GALNT18: variants seen among roughly 807,000 people sequenced by gnomAD.
GALNT18 encodes GalNAc-transferase 18.
GALNT18 carries 44 observed loss-of-function variants against 69.5 expected under a neutral mutation model. That is an observed-to-expected ratio of 0.63 (90% CI 0.50 to 0.81). The LOEUF is 0.81. Ranked by LOEUF, GALNT18 falls within the 40% of genes least tolerant of loss-of-function variation. The pLI is 0.00. For synonymous variants in GALNT18, 364 were observed against 318.2 expected (o/e 1.14, Z -1.53); for missense variants, 715 against 810.0 (o/e 0.88, Z 1.42).
At position 11,618,794 on chromosome 11, in the gene GALNT18, G is replaced by A. The variant is rs1860119571; in HGVS notation, c.235+2565C>T. ...ATATATGTAAAGTGTTTAGAATAGG[G>A]CCTGACATATCCTAGGTGCTATGTT... On this transcript the variant is annotated intron_variant, in intron 1 of 10. Coordinates refer to ENST00000227756, the MANE Select transcript of GALNT18 (RefSeq NM_198516.3). This position sits in a 1 kb window ranked among gnomAD's most constrained non-coding sequence, Gnocchi z 6.1. 6.6e-6 allele frequency among the ~76,000 whole-genome samples: 1 copy of A among 152,130 alleles called. No homozygotes were observed. The highest frequency in any genetic ancestry group is 1.5e-5 in the Non-Finnish European group (1 of 68,022).
rs1210121017 is a variant in GALNT18, at chr11:11,496,187, C to A, written c.236-47251G>T. ...AGCGTCTCTTGCAAACACTTCTCCA[C>A]TAACTTAAAGGGCTGGTTTAGAATA... On this transcript the variant is annotated intron_variant, in intron 1 of 10. Transcript: ENST00000227756. This position sits in a 1 kb window ranked among gnomAD's most constrained non-coding sequence, Gnocchi z 4.0. 2.0e-5 allele frequency among the ~76,000 whole-genome samples: 3 copies of A among 152,218 alleles called. No homozygotes were observed. Among genetic ancestry groups the A allele is most frequent in the African/African-American group, 4.8e-5 (2 of 41,466 alleles).
rs994235304 is a variant in GALNT18, at chr11:11,619,397, T to C, written c.235+1962A>G. ...AAGTTTCCGGGGAGAAAAATCACAA[T>C]GCTTCCTTTCAACTTCAACATCATG... On this transcript the variant is annotated intron_variant, in intron 1 of 10. Coordinates refer to ENST00000227756, the MANE Select transcript of GALNT18 (RefSeq NM_198516.3). This position sits in a 1 kb window ranked among gnomAD's most constrained non-coding sequence, Gnocchi z 4.9. Among the ~76,000 whole-genome samples, 3 of 152,178 alleles carry C rather than the reference T, an allele frequency of 2.0e-5. No homozygotes were observed. The highest frequency in any genetic ancestry group is 2.0e-4 in the Admixed American group (3 of 15,286).
At chr11:11,290,980 G>A (rs570255047) in intron 10 of GALNT18, among the ~76,000 whole-genome samples, 50 of 152,256 alleles carry the variant, frequency 3.3e-4, no homozygotes, top group Non-Finnish European at 4.0e-4. Context: ...CACCCAGCTC[G>A]ACTTGAGAAA....
At position 11,415,841 on chromosome 11, in the gene GALNT18, C is replaced by G. The variant is rs943134523; in HGVS notation, c.595+16780G>C. ...CAGGAATTCAGCAAGCAGCAACGCT[C>G]TCCACTGTTGGACTCACATGTCATA... On this transcript the variant is annotated intron_variant, in intron 3 of 10. Coordinates refer to ENST00000227756, the MANE Select transcript of GALNT18 (RefSeq NM_198516.3). This position sits in a 1 kb window ranked among gnomAD's most constrained non-coding sequence, Gnocchi z 4.1. Among the ~76,000 whole-genome samples the G allele has an allele frequency of 6.6e-6, 1 of 152,202 alleles. No individual in the cohort carries two copies. Among genetic ancestry groups the G allele is most frequent in the Non-Finnish European group, 1.5e-5 (1 of 68,044 alleles).
chr11:11,431,944 G>C (rs889138061), intron 3 of GALNT18, among the ~76,000 whole-genome samples: 5 of 152,188 alleles, frequency 3.3e-5, no homozygotes, highest in African/African-American at 7.2e-5. Flanking sequence ...GGCATATGGG[G>C]GGGCAAAGAA....
In GALNT18 at chr11:11,543,356, ACC is replaced by A. The variant is rs1857969211; in HGVS notation, c.235+78001_235+78002del. 6.6e-6 allele frequency among the ~76,000 whole-genome samples: 1 copy of A among 152,162 alleles called. No individual in the cohort carries two copies. Among genetic ancestry groups the A allele is most frequent in the Non-Finnish European group, 1.5e-5 (1 of 68,030 alleles). On this transcript the variant is annotated intron_variant, in intron 1 of 10. Coordinates refer to ENST00000227756, the MANE Select transcript of GALNT18 (RefSeq NM_198516.3). The surrounding 1 kb of genome is among the most constrained non-coding windows in gnomAD (Gnocchi z 5.1). Reference sequence around the variant, plus strand: ...TCATGGCAGGAATCCTTAGTAGGCCACCTCAGCTGGAGTGACAGGGACGTGGT... The same window carrying A: ...TCATGGCAGGAATCCTTAGTAGGCCATCAGCTGGAGTGACAGGGACGTGGT...
chr11:11,585,582 C>G (rs907348662), intron 1 of GALNT18, among the ~76,000 whole-genome samples: 3 of 152,038 alleles, frequency 2.0e-5, no homozygotes, highest in East Asian at 3.9e-4. Flanking sequence ...TCTCGAACTC[C>G]CGACCTCAGG....
intron 9 of GALNT18, among the ~76,000 whole-genome samples, chr11:11,322,812 T>C (rs975440954): frequency 7.2e-5 from 11 of 152,196 alleles, no homozygotes; most frequent in African/African-American, 2.7e-4. Context: ...TTTCTCACAG[T>C]TCTGGAGGCT....
intron 9 of GALNT18, among the ~76,000 whole-genome samples, chr11:11,308,017 C>T (rs1435665893): frequency 6.6e-6 from 1 of 152,198 alleles, no homozygotes; most frequent in African/African-American, 2.4e-5. Flanking sequence ...TTCTCTCAGT[C>T]TGATTCTGAT....
intron 1 of GALNT18, among the ~76,000 whole-genome samples, chr11:11,577,987 C>G (rs1858968121): frequency 7.9e-6 from 1 of 126,564 alleles, no homozygotes; most frequent in African/African-American, 2.7e-5. Context: ...CAAAATGTGA[C>G]TGTCCCCAGG....
chr11:11,272,884 C>G (rs1848855975), intron 10 of GALNT18, among the ~76,000 whole-genome samples: 2 of 152,204 alleles, frequency 1.3e-5, no homozygotes, highest in South Asian at 4.1e-4. Flanking sequence ...CTGCCATGAC[C>G]ATTCCCATAG....
At chr11:11,293,497 T>A (rs1590016014) in intron 9 of GALNT18, among the ~76,000 whole-genome samples, 1 of 152,048 alleles carries the variant, frequency 6.6e-6, no homozygotes, top group East Asian at 1.9e-4. Context: ...GTCATAACCT[T>A]TTAAATTTAT....
At chr11:11,510,073 C>T (rs2133911899) in intron 1 of GALNT18, among the ~76,000 whole-genome samples, 1 of 152,220 alleles carries the variant, frequency 6.6e-6, no homozygotes, top group East Asian at 1.9e-4. Context: ...CAACTACATG[C>T]AGATGCTGGC....
At chr11:11,399,684 A>G (rs978592396) in intron 3 of GALNT18, among the ~76,000 whole-genome samples, 2 of 152,182 alleles carry the variant, frequency 1.3e-5, no homozygotes, top group Admixed American at 6.5e-5. Context: ...CAACATATGC[A>G]CTTGGGCAAT....
chr11:11,499,111 C>T (rs1388658647), intron 1 of GALNT18, among the ~76,000 whole-genome samples: 1 of 152,230 alleles, frequency 6.6e-6, no homozygotes, highest in Non-Finnish European at 1.5e-5. Context: ...CTCGTGGTCA[C>T]TCAGCAAACT....
intron 1 of GALNT18, among the ~76,000 whole-genome samples, chr11:11,570,537 G>A (rs1858767516): frequency 6.6e-6 from 1 of 152,184 alleles, no homozygotes; most frequent in African/African-American, 2.4e-5. Context: ...CCTGCCCTCT[G>A]CCTAGAAAGC....
intron 1 of GALNT18, among the ~76,000 whole-genome samples, chr11:11,532,414 C>A (rs146031645): frequency 5.4e-4 from 83 of 152,328 alleles, no homozygotes; most frequent in African/African-American, 1.7e-3. Flanking sequence ...CAGTGAGAGG[C>A]GTTCAGCCAC....
At chr11:11,440,190 C>A (rs906537478) in intron 2 of GALNT18, among the ~76,000 whole-genome samples, 1 of 152,098 alleles carries the variant, frequency 6.6e-6, no homozygotes, top group Non-Finnish European at 1.5e-5. Flanking sequence ...AAAATGTAGA[C>A]GGAAAATAGG....
chr11:11,288,852 ATCT>A (rs1849244996), intron 10 of GALNT18, among the ~76,000 whole-genome samples: 1 of 138,636 alleles, frequency 7.2e-6, no homozygotes, highest in African/African-American at 3.4e-5. Context: ...ATGCCTATCT[ATCT>A]TCTTGGTAGG....
Sources: gnomAD v4.1 joint callset for allele counts (sites outside exome capture counted in the v4.1 genomes callset) on GRCh38, gnomAD v4.1.1 for gene constraint, Gnocchi (gnomAD v3.1) non-coding constraint, MANE v1.5 for transcripts, NCBI Gene and HGNC (gene_info 2026-07-23, HGNC 2026-07-21) for gene names.